VIRMA: variants seen among roughly 807,000 people sequenced by gnomAD.
VIRMA encodes protein virilizer homolog.
In VIRMA, 65 loss-of-function variants were observed where a neutral mutation model predicts 182.4. The observed-to-expected ratio is 0.36, with a 90% CI of 0.29 to 0.44. The LOEUF (loss-of-function observed/expected upper bound fraction) is 0.44, where lower values mean the gene tolerates loss of function less well. Ranked by LOEUF, VIRMA falls within the 20% of genes least tolerant of loss-of-function variation. VIRMA has a pLI of 1.00. For synonymous variants in VIRMA, 709 were observed against 743.1 expected, an observed-to-expected ratio of 0.95 and a Z score of 0.75; for missense variants, 1,752 against 2,158.1, an observed-to-expected ratio of 0.81 and a Z score of 3.73.
chr8:94,530,140 A>G (rs1258208315), intron 6 of VIRMA, among the ~76,000 whole-genome samples: 1 of 152,094 alleles, frequency 6.6e-6, no homozygotes, highest in Non-Finnish European at 1.5e-5. Flanking sequence ...ACTACAGCAA[A>G]CTAACACTTT....
At position 94,501,112 on chromosome 8, in the gene VIRMA, C is replaced by T. The variant is rs144163244; in HGVS notation, c.4098-1606G>A. On this transcript the variant is annotated intron_variant, in intron 16 of 23. Coordinates refer to ENST00000297591, the MANE Select transcript of VIRMA (RefSeq NM_015496.5). Reference sequence around the variant, plus strand: ...AACAAAATATATACAAAAAATTAGCCAGGCATGGTGGCAGGCGCCTGTAAT... The same window carrying T: ...AACAAAATATATACAAAAAATTAGCTAGGCATGGTGGCAGGCGCCTGTAAT... Among the ~76,000 whole-genome samples, 333 of 151,688 alleles carry T rather than the reference C, an allele frequency of 2.2e-3. 1 individual carries two copies. Among genetic ancestry groups the T allele is most frequent in the African/African-American group, 5.4e-3 (225 of 41,404 alleles).
chr8:94,551,012 G>T (rs960610874), intron 1 of VIRMA, among the ~76,000 whole-genome samples: 4 of 152,160 alleles, frequency 2.6e-5, no homozygotes, highest in Admixed American at 1.3e-4. Context: ...GAGCCACTGC[G>T]CCTGGCCTAA....
rs1403076111 is a variant in VIRMA, at chr8:94,499,354, A to G, written c.4230+20T>C. 3.3e-6 allele frequency: 5 copies of G among 1,508,044 alleles called. No individual in the cohort carries two copies. Among genetic ancestry groups the G allele is most frequent in the Non-Finnish European group, 4.5e-6 (5 of 1,119,504 alleles). 93.4% of individuals were successfully genotyped at this position (1,508,044 alleles called of 1,614,324 possible). A position where few individuals can be genotyped will look rare whatever the true frequency, so the allele number is the denominator to read the frequency against. On this transcript the variant is annotated intron_variant, in intron 17 of 23. Transcript: ENST00000297591. ...TACATACATACATATATACACAAAC[A>G]CAAACACACACATACTTACAATTGT...
rs1814979676 is a variant in VIRMA, at chr8:94,526,633, G to A, written c.1611C>T (p.Leu537=). 6.2e-7 allele frequency: 1 copy of A among 1,614,140 alleles called. No homozygotes were observed. The change falls in exon 8 of 24, where the codon CTC becomes CTT. Residue 537 remains leucine (L), a synonymous_variant. Coordinates refer to ENST00000297591, the MANE Select transcript of VIRMA (RefSeq NM_015496.5). The part of the protein sequence containing the change: ...EKSGYQKLLE[L]ILLDQTVRVV... Reference sequence around the variant, plus strand: ...CCCTCACAGTCTGATCTAAAAGTATGAGTTCCAGAAGCTTTTGATAACCAC... The same window carrying A: ...CCCTCACAGTCTGATCTAAAAGTATAAGTTCCAGAAGCTTTTGATAACCAC...
intron 1 of VIRMA, among the ~76,000 whole-genome samples, chr8:94,547,881 A>G (rs563767546): frequency 6.7e-6 from 1 of 149,696 alleles, no homozygotes; most frequent in South Asian, 2.1e-4. Flanking sequence ...AAAAAAAAAA[A>G]AAAACTTTAA....
intron 8 of VIRMA, among the ~76,000 whole-genome samples, chr8:94,522,557 G>A (rs1367472242): frequency 6.6e-6 from 1 of 152,082 alleles, no homozygotes; most frequent in Non-Finnish European, 1.5e-5. Flanking sequence ...TAATTTACCA[G>A]TTTCTGTCAA....
In VIRMA at chr8:94,506,481, A is replaced by G; in HGVS notation, c.4097+19T>C. 6.6e-7 allele frequency: 1 copy of G among 1,504,460 alleles called. No homozygotes were observed. The highest frequency in any genetic ancestry group is 9.2e-7 in the Non-Finnish European group (1 of 1,086,398). 93.2% of individuals were successfully genotyped at this position (1,504,460 alleles called of 1,614,324 possible). Reference sequence around the variant, plus strand: ...AAAAAATTAAATCTGAGAGTATATTAAATTAGACAAATCATTACCTTTTTA... The same window carrying G: ...AAAAAATTAAATCTGAGAGTATATTGAATTAGACAAATCATTACCTTTTTA... On this transcript the variant is annotated intron_variant, in intron 16 of 23. Transcript: ENST00000297591.
rs765980553 is a variant in VIRMA, at chr8:94,538,283, G to A, written c.243C>T (p.Ala81=). The A allele has an allele frequency of 1.3e-5, 21 of 1,612,880 alleles. No homozygotes were observed. The highest frequency in any genetic ancestry group is 8.9e-5 in the East Asian group (4 of 44,814). The change falls in exon 3 of 24, where the codon GCC becomes GCT. Residue 81 remains alanine, a synonymous_variant. Transcript: ENST00000297591. ...ACCTTCCCAACCTATCGAAAACAGG[G>A]GCACTTGGTTTGCTTACATTGTTGA... ...LFFNNVSKPS[A]PVFDRLGSLE... is the part of the protein sequence containing the mutation.
At chr8:94,514,651 T>C (rs1459308472) in intron 11 of VIRMA, among the ~76,000 whole-genome samples, 2 of 152,214 alleles carry the variant, frequency 1.3e-5, no homozygotes, top group Admixed American at 6.5e-5. Context: ...TAGTGAAAAG[T>C]AGTACAGTAC....
At chr8:94,529,373 T>C (rs758110481) in intron 6 of VIRMA, 31 bp from the exon 7 acceptor site, 1 of 1,300,990 alleles carries the variant, frequency 7.7e-7, no homozygotes, top group Non-Finnish European at 1.1e-6. Flanking sequence ...GCACAGACTA[T>C]TTTAATGGTT....
chr8:94,493,951 T>C (rs1813687046), intron 20 of VIRMA, among the ~76,000 whole-genome samples: 1 of 152,208 alleles, frequency 6.6e-6, no homozygotes, highest in Admixed American at 6.5e-5. Flanking sequence ...GAATGTCAAT[T>C]CCCATTCATA....
chr8:94,537,872 G>T (rs1296117154), intron 3 of VIRMA, among the ~76,000 whole-genome samples: 2 of 152,034 alleles, frequency 1.3e-5, no homozygotes, highest in Non-Finnish European at 2.9e-5. Context: ...ACAAAATGTG[G>T]CTATGGAATT....
chr8:94,511,922 A>T (rs1437095746), intron 12 of VIRMA, 74 bp downstream of exon 12: 2 of 818,132 alleles, frequency 2.4e-6, no homozygotes, highest in Non-Finnish European at 3.5e-6. Context: ...TTTAATAATT[A>T]ACTAAATATT....
Position 94,527,346 on chromosome 8 carries a change from G to T in VIRMA, c.898C>A (p.Gln300Lys). 6.4e-7 allele frequency: 1 copy of T among 1,572,420 alleles called. No homozygotes were observed. Among genetic ancestry groups the T allele is most frequent in the Non-Finnish European group, 8.6e-7 (1 of 1,156,550 alleles). Residue 300 changes from glutamine to lysine, a missense_variant, in exon 8 of 24, where the codon CAA becomes AAA. Gln to Lys is a moderately conservative substitution (Grantham distance 53). Transcript: ENST00000297591. ...EEGEGDDGYE[Q>K]ISSDEDGIAD... ...ATTCCATCTTCATCACTGGAAATTT[G>T]TTCATAACCATCATCCCCTGAAAAT...
intron 7 of VIRMA, among the ~76,000 whole-genome samples, chr8:94,528,505 G>T (rs1815050380): frequency 6.6e-6 from 1 of 152,072 alleles, no homozygotes; most frequent in Non-Finnish European, 1.5e-5. Flanking sequence ...GCCATTTCTT[G>T]GGCAAATTAA....
At chr8:94,502,440 TTA>T (rs1349755672) in intron 16 of VIRMA, among the ~76,000 whole-genome samples, 57 of 151,292 alleles carry the variant, frequency 3.8e-4, no homozygotes, top group Non-Finnish European at 5.8e-4. Context: ...AAAATAAATT[TTA>T]TAATTAAAAC....
Position 94,534,643 on chromosome 8 carries a change from CT to C in VIRMA, c.484+195del, listed in dbSNP as rs1217829370. Among the ~76,000 whole-genome samples, 17 of 151,518 alleles carry C rather than the reference CT, an allele frequency of 1.1e-4. No individual in the cohort carries two copies. The Middle Eastern group carries it at 0.01, about 92-fold the overall frequency. ...TTCTTTCTCTTCCTCCTATCTCCCC[CT>C]CTTCCTCCTTCTCTCCCCCTCTGCC... On this transcript the variant is annotated intron_variant, in intron 5 of 23. Coordinates refer to ENST00000297591, the MANE Select transcript of VIRMA (RefSeq NM_015496.5).
At chr8:94,497,214 T>G (rs1394274966) in intron 17 of VIRMA, 1 of 152,078 alleles carries the variant, frequency 6.6e-6, no homozygotes, top group Non-Finnish European at 1.5e-5. Context: ...GATCCTTGCA[T>G]CTCATCCTCC....
At chr8:94,517,694 T>C in intron 10 of VIRMA, 94 bp downstream of exon 10, 1 of 806,724 alleles carries the variant, frequency 1.2e-6, no homozygotes, top group Non-Finnish European at 1.9e-6. Flanking sequence ...TTACTAGGTA[T>C]ATTATCGAAA....
Sources: gnomAD v4.1 joint callset for allele counts (sites outside exome capture counted in the v4.1 genomes callset) on GRCh38, gnomAD v4.1.1 for gene constraint, MANE v1.5 for transcripts, NCBI Gene and HGNC (gene_info 2026-07-23, HGNC 2026-07-21) for gene names.